Variants in MITF observed in about 807,000 individuals in gnomAD.
MITF encodes the protein microphthalmia-associated transcription factor.
In MITF, 17 loss-of-function variants were observed where a neutral mutation model predicts 60.5. The observed-to-expected ratio is 0.28, with a 90% CI of 0.19 to 0.42. The LOEUF is 0.42. Ranked by LOEUF, MITF falls within the 10% of genes least tolerant of loss-of-function variation. The probability of loss-of-function intolerance (pLI) is 1.00; values close to 1 mark genes in which losing one functional copy is unlikely to be tolerated. For missense variants in MITF, 622 were observed against 683.5 expected, an observed-to-expected ratio of 0.91 and a Z score of 1.00; for synonymous variants, 260 against 248.5, an observed-to-expected ratio of 1.05 and a Z score of -0.43.
chr3:69,802,332 A>G (rs1398912257), intron 1 of MITF, among the ~76,000 whole-genome samples: 1 of 152,206 alleles, frequency 6.6e-6, no homozygotes, highest in African/African-American at 2.4e-5. Flanking sequence ...AGTCTGGCCT[A>G]GAGTCATGGA....
chr3:69,763,945 A>T (rs1436775570), intron 1 of MITF: 2 of 1,354,300 alleles, frequency 1.5e-6, no homozygotes, highest in Non-Finnish European at 2.0e-6. Context: ...TCAAGAAGGT[A>T]ATACAGATGA....
rs1259742779 is a variant in MITF at position 69,966,367 on chromosome 3, A to G, written c.*1119A>G. On this transcript the variant is annotated 3_prime_UTR_variant, in exon 10 of 10. Transcript: ENST00000352241. ...CAGCTTTGCGAATATTTTGTAAATT[A>G]CAGTCTCACTCAGAACTGTTTTTGG... 4.3e-6 allele frequency: 1 copy of G among 232,928 alleles called. No homozygotes were observed. Among genetic ancestry groups the G allele is most frequent in the East Asian group, 6.1e-5 (1 of 16,414 alleles). 14.4% of individuals were successfully genotyped at this position (232,928 alleles called of 1,614,324 possible).
intron 5 of MITF, among the ~76,000 whole-genome samples, chr3:69,947,291 T>TC (rs2066121627): frequency 6.6e-6 from 1 of 152,208 alleles, no homozygotes; most frequent in South Asian, 2.1e-4. Flanking sequence ...TCTCAAAAGA[T>TC]AGGGGAATAA....
intron 1 of MITF, among the ~76,000 whole-genome samples, chr3:69,753,419 G>A (rs9873049): frequency 0.012 from 1,887 of 152,336 alleles, 29 homozygotes; most frequent in African/African-American, 0.043. Context: ...GGGAAATGTG[G>A]GGTTGGAGCC....
chr3:69,780,014 G>T (rs971790001), intron 1 of MITF, among the ~76,000 whole-genome samples: 1 of 152,160 alleles, frequency 6.6e-6, no homozygotes, highest in Non-Finnish European at 1.5e-5. Context: ...TGGGAAGAAG[G>T]GATATTTGGC....
chr3:69,851,500 C>T (rs1452794506), intron 1 of MITF, among the ~76,000 whole-genome samples: 5 of 152,130 alleles, frequency 3.3e-5, no homozygotes, highest in Admixed American at 1.3e-4. Flanking sequence ...GCTACCGATA[C>T]CTGTAGCAAT....
intron 1 of MITF, among the ~76,000 whole-genome samples, chr3:69,823,780 T>G (rs1421617358): frequency 6.6e-6 from 1 of 152,244 alleles, no homozygotes; most frequent in Non-Finnish European, 1.5e-5. Flanking sequence ...TTTTGGATCT[T>G]TTCTGTAAGA....
At chr3:69,767,097 G>C (rs1275557890) in intron 1 of MITF, among the ~76,000 whole-genome samples, 1 of 152,174 alleles carries the variant, frequency 6.6e-6, no homozygotes, top group Non-Finnish European at 1.5e-5. Flanking sequence ...TTCCAGTGGA[G>C]TAAGATATGA....
chr3:69,786,093 G>A (rs937133274), intron 1 of MITF, among the ~76,000 whole-genome samples: 2 of 152,224 alleles, frequency 1.3e-5, no homozygotes, highest in South Asian at 4.1e-4. Context: ...AGTGCTTCCT[G>A]CGTATGCTTT....
intron 1 of MITF, among the ~76,000 whole-genome samples, chr3:69,855,278 AAC>A (rs1229091020): frequency 1.8e-3 from 274 of 151,052 alleles, no homozygotes; most frequent in African/African-American, 6.2e-3. Context: ...AAAAAAAAAA[AAC>A]ACTTAAAGAA....
chr3:69,790,685 C>T (rs1413598430), intron 1 of MITF, among the ~76,000 whole-genome samples: 2 of 152,090 alleles, frequency 1.3e-5, no homozygotes, highest in Non-Finnish European at 2.9e-5. Context: ...TAGGAACTTT[C>T]ACATCAAAAC....
chr3:69,745,558 T>A (rs1213173124), intron 1 of MITF, among the ~76,000 whole-genome samples: 1 of 152,212 alleles, frequency 6.6e-6, no homozygotes, highest in East Asian at 1.9e-4. Flanking sequence ...CTAAGTAAAA[T>A]GTTAGACATC....
At chr3:69,851,932 A>T (rs1012377130) in intron 1 of MITF, among the ~76,000 whole-genome samples, 1 of 152,226 alleles carries the variant, frequency 6.6e-6, no homozygotes, top group Admixed American at 6.5e-5. Flanking sequence ...ACAAATATTT[A>T]TTGGTGAGCT....
At position 69,888,302 on chromosome 3, in the gene MITF, C is replaced by T. The variant is rs185001372; in HGVS notation, c.354+8919C>T. Among the ~76,000 whole-genome samples the T allele has an allele frequency of 2.0e-5, 3 of 152,044 alleles. No individual in the cohort carries two copies. In the East Asian group the frequency reaches 5.8e-4, roughly 29 times the overall value. On this transcript the variant is annotated intron_variant, in intron 2 of 9. Coordinates refer to ENST00000352241, the MANE Select transcript of MITF (RefSeq NM_001354604.2). ...ACAAATATGTAACATTTTTTCTGAA[C>T]ACTGCATGGTAGTTCAGACTGCCTA...
At chr3:69,888,607 C>A (rs918664837) in intron 2 of MITF, among the ~76,000 whole-genome samples, 2 of 151,994 alleles carry the variant, frequency 1.3e-5, no homozygotes, top group Non-Finnish European at 2.9e-5. Context: ...GGTAATTAGT[C>A]CTGCCTCTTT....
intron 1 of MITF, among the ~76,000 whole-genome samples, chr3:69,815,635 A>C (rs2063169745): frequency 6.6e-6 from 1 of 152,224 alleles, no homozygotes; most frequent in Non-Finnish European, 1.5e-5. Context: ...CTTCTGATCA[A>C]CAGAAGGCTA....
At chr3:69,812,685 G>C (rs2063119310) in intron 1 of MITF, among the ~76,000 whole-genome samples, 2 of 152,184 alleles carry the variant, frequency 1.3e-5, no homozygotes, top group African/African-American at 4.8e-5. Flanking sequence ...CAATGCGGGT[G>C]ACATAGTTCT....
chr3:69,872,910 G>T (rs1024912217), intron 1 of MITF, among the ~76,000 whole-genome samples: 1 of 152,190 alleles, frequency 6.6e-6, no homozygotes, highest in African/African-American at 2.4e-5. Flanking sequence ...GCATTGTCCA[G>T]TTGCGACACC....
At chr3:69,815,342 G>T (rs2063165267) in intron 1 of MITF, among the ~76,000 whole-genome samples, 1 of 152,058 alleles carries the variant, frequency 6.6e-6, no homozygotes, top group African/African-American at 2.4e-5. Context: ...AACTGCTTGG[G>T]TCCACCTGTA....
Sources: gnomAD v4.1 joint callset for allele counts (sites outside exome capture counted in the v4.1 genomes callset) on GRCh38, gnomAD v4.1.1 for gene constraint, MANE v1.5 for transcripts, NCBI Gene and HGNC (gene_info 2026-07-23, HGNC 2026-07-21) for gene names.